The following EPB41L4A variants were observed in gnomAD, a reference collection of about 807,000 sequenced individuals.
The protein encoded by EPB41L4A is erythrocyte membrane protein band 4.1 like 4A.
EPB41L4A carries 100 observed loss-of-function variants against 108.6 expected under a neutral mutation model. The observed-to-expected ratio is 0.92, with a 90% CI of 0.78 to 1.09. EPB41L4A has a LOEUF of 1.09. Ranked by LOEUF, EPB41L4A falls within the 50% of genes least tolerant of loss-of-function variation. EPB41L4A has a pLI of 0.00. For synonymous variants in EPB41L4A, 319 were observed against 289.0 expected (o/e 1.10, Z -1.05); for missense variants, 1,030 against 842.7 (o/e 1.22, Z -2.75).
At chr5:112,389,466 C>A (rs1467058102) in intron 1 of EPB41L4A, among the ~76,000 whole-genome samples, 3 of 152,102 alleles carry the variant, frequency 2.0e-5, no homozygotes, top group Non-Finnish European at 4.4e-5. Flanking sequence ...CAGAAAACGG[C>A]CAATTTCTCA....
chr5:112,339,504 A>ATATATATCTATATATC (rs1757150412), intron 1 of EPB41L4A, among the ~76,000 whole-genome samples: 2 of 39,934 alleles, frequency 5.0e-5, no homozygotes, highest in African/African-American at 1.9e-4. Flanking sequence ...ATCTATATAT[A>ATATATATCTATATATC]TATATAGATA....
At chr5:112,157,872 C>T (rs921722622), downstream of EPB41L4A, among the ~76,000 whole-genome samples, 2 of 152,190 alleles carry the variant, frequency 1.3e-5, no homozygotes, top group Non-Finnish European at 2.9e-5. Context: ...TTTGCACTAC[C>T]ACTGTGTGGC....
chr5:112,398,451 C>T (rs999875810), intron 1 of EPB41L4A, among the ~76,000 whole-genome samples: 19 of 152,086 alleles, frequency 1.2e-4, no homozygotes, highest in Non-Finnish European at 2.5e-4. Flanking sequence ...TGCAGTGGCA[C>T]CATCTCATCT....
At chr5:112,248,521 T>C (rs1259156387) in intron 9 of EPB41L4A, among the ~76,000 whole-genome samples, 1 of 152,186 alleles carries the variant, frequency 6.6e-6, no homozygotes, top group African/African-American at 2.4e-5. Context: ...CGAATCAAGA[T>C]TGAGTCACTT....
chr5:112,223,066 G>A (rs1748185445), intron 12 of EPB41L4A, among the ~76,000 whole-genome samples: 1 of 151,280 alleles, frequency 6.6e-6, no homozygotes, highest in Admixed American at 6.6e-5. Flanking sequence ...AGCCTTCCAA[G>A]TAGCTAGGAC....
intron 1 of EPB41L4A, among the ~76,000 whole-genome samples, chr5:112,400,154 G>A (rs1271520365): frequency 2.0e-5 from 3 of 152,234 alleles, no homozygotes; most frequent in Middle Eastern, 3.4e-3. Context: ...AGGAGAAGCA[G>A]GCACCTTCTA....
At chr5:112,236,339 G>A (rs973137936) in intron 11 of EPB41L4A, among the ~76,000 whole-genome samples, 2 of 152,154 alleles carry the variant, frequency 1.3e-5, no homozygotes, top group African/African-American at 4.8e-5. Context: ...GATGGCATGG[G>A]AGAAGGAACA....
intron 1 of EPB41L4A, among the ~76,000 whole-genome samples, chr5:112,416,385 T>C (rs528563961): frequency 1.3e-5 from 2 of 152,174 alleles, no homozygotes; most frequent in Admixed American, 6.5e-5. Context: ...AGTAAAATTA[T>C]TTCTACTAAG....
intron 13 of EPB41L4A, among the ~76,000 whole-genome samples, chr5:112,208,878 C>A (rs1762594905): frequency 6.6e-6 from 1 of 152,150 alleles, no homozygotes; most frequent in South Asian, 2.1e-4. Context: ...GAATCTCTAT[C>A]CACAGCTTGA....
intron 11 of EPB41L4A, 97 bp downstream of exon 11, chr5:112,239,563 G>GA (rs1159082867): frequency 1.4e-5 from 10 of 730,450 alleles, no homozygotes; most frequent in South Asian, 2.8e-5. Context: ...CAAGAAAAAA[G>GA]AAAAAAATAA....
At chr5:112,352,636 T>C (rs1478606439) in intron 1 of EPB41L4A, among the ~76,000 whole-genome samples, 1 of 152,236 alleles carries the variant, frequency 6.6e-6, no homozygotes, top group African/African-American at 2.4e-5. Context: ...GTTGTTTTGT[T>C]GTTTTCCGTT....
chr5:112,353,730 G>C (rs1353831129), intron 1 of EPB41L4A, among the ~76,000 whole-genome samples: 2 of 152,182 alleles, frequency 1.3e-5, no homozygotes, highest in Non-Finnish European at 2.9e-5. Flanking sequence ...GGCTGTGGTG[G>C]GTGGAGTGGG....
At chr5:112,305,766 T>C (rs1057459550) in intron 2 of EPB41L4A, among the ~76,000 whole-genome samples, 1 of 152,176 alleles carries the variant, frequency 6.6e-6, no homozygotes, top group Non-Finnish European at 1.5e-5. Flanking sequence ...AGGGAAAGAA[T>C]ACTTTTTTCA....
In EPB41L4A at chr5:112,242,074, G is replaced by GGTA. The variant is rs1246101971; in HGVS notation, c.796-1267_796-1265dup. ...TTGATGGCTACTGACTGACCAGGGT[G>GGTA]GTAGTTGCTGAAGGTTAGAGTGGCT... On this transcript the variant is annotated intron_variant, in intron 9 of 22. Transcript: ENST00000261486. Among the ~76,000 whole-genome samples, 3 of 152,286 alleles carry GGTA rather than the reference G, an allele frequency of 2.0e-5. No individual in the cohort carries two copies. The East Asian group carries it at 5.8e-4, about 29-fold the overall frequency.
At chr5:112,284,275 CT>C (rs1753142916) in intron 2 of EPB41L4A, among the ~76,000 whole-genome samples, 1 of 152,092 alleles carries the variant, frequency 6.6e-6, no homozygotes, top group African/African-American at 2.4e-5. Flanking sequence ...CTTTTGGAGT[CT>C]CCTAGAGTTC....
At position 112,208,614 on chromosome 5, in the gene EPB41L4A, C is replaced by T. The variant is rs75303245; in HGVS notation, c.1178+1278G>A. ...GGCAAGGGTTGAAAACTACCTATCA[C>T]GTACTGTGCTCACTACCTGAGTGAT... is the stretch of plus-strand genomic sequence containing the variant. On this transcript the variant is annotated intron_variant, in intron 13 of 22. Transcript: ENST00000261486. 9.2e-5 allele frequency among the ~76,000 whole-genome samples: 14 copies of T among 152,306 alleles called. No individual in the cohort carries two copies. In the East Asian group the frequency reaches 1.5e-3, roughly 17 times the overall value.
At chr5:112,150,147 T>G (rs904645627) in intron 12 of EPB41L4A, among the ~76,000 whole-genome samples, 1 of 152,206 alleles carries the variant, frequency 6.6e-6, no homozygotes, top group Non-Finnish European at 1.5e-5. Flanking sequence ...TTTACACTTA[T>G]GTGTAGTCTG....
intron 1 of EPB41L4A, among the ~76,000 whole-genome samples, chr5:112,388,362 AC>A (rs920945383): frequency 2.0e-5 from 3 of 152,248 alleles, no homozygotes; most frequent in African/African-American, 7.2e-5. Flanking sequence ...CGGCAGACCT[AC>A]CCACCTGGCC....
intron 10 of EPB41L4A, 103 bp downstream of exon 10, chr5:112,240,616 G>T: frequency 1.6e-6 from 1 of 631,182 alleles, no homozygotes; most frequent in Non-Finnish European, 2.7e-6. Flanking sequence ...ATTAATAAAA[G>T]GGAAACAATT....
Sources: allele counts gnomAD v4.1 joint callset (sites outside exome capture counted in the v4.1 genomes callset), GRCh38; gene constraint gnomAD v4.1.1; transcripts MANE v1.5; gene names NCBI Gene and HGNC (gene_info 2026-07-23, HGNC 2026-07-21).